Variants in MYLK observed in about 807,000 individuals in gnomAD.
MYLK encodes myosin light chain kinase, smooth muscle.
MYLK carries 106 observed loss-of-function variants against 203.4 expected under a neutral mutation model. The observed-to-expected ratio is 0.52, with a 90% confidence interval of 0.45 to 0.61. MYLK has a LOEUF of 0.61. MYLK is among the 20% of genes least tolerant of loss of function. MYLK has a pLI of 0.00. For synonymous variants in MYLK, 867 were observed against 959.5 expected (o/e 0.90, Z 1.78); for missense variants, 2,072 against 2,442.3 (o/e 0.85, Z 3.20).
At chr3:123,635,291 G>C (rs2058598146) in intron 29 of MYLK, among the ~76,000 whole-genome samples, 1 of 152,242 alleles carries the variant, frequency 6.6e-6, no homozygotes, top group East Asian at 1.9e-4. Flanking sequence ...TGGCTCCAGA[G>C]TTCTGCATAG....
chr3:123,622,360 A>G (rs570595817), intron 31 of MYLK: 1 of 152,332 alleles, frequency 6.6e-6, no homozygotes, highest in South Asian at 2.1e-4. Flanking sequence ...GGAGCAGAAG[A>G]TTCTAATCTT....
In MYLK at chr3:123,729,139, G is replaced by A. The variant is rs113007085; in HGVS notation, c.1517-3061C>T. Reference sequence around the variant, plus strand: ...AAGAAGGCCCTCCTGTCTCACCTCTGGCTGACTTGGAGCTTTGGTGCAAGC... The same window carrying A: ...AAGAAGGCCCTCCTGTCTCACCTCTAGCTGACTTGGAGCTTTGGTGCAAGC... On this transcript the variant is annotated intron_variant, in intron 11 of 33. Coordinates refer to ENST00000360304, the MANE Select transcript of MYLK (RefSeq NM_053025.4). Among the ~76,000 whole-genome samples the A allele has an allele frequency of 4.8e-3, 733 of 152,212 alleles. 8 individuals carry two copies. The highest frequency in any genetic ancestry group is 0.017 in the African/African-American group (703 of 41,534).
intron 27 of MYLK, among the ~76,000 whole-genome samples, chr3:123,646,513 ATGTG>A (rs146598767): frequency 2.0e-5 from 3 of 147,816 alleles, no homozygotes; most frequent in Non-Finnish European, 2.9e-5. Context: ...GCTTGACTGT[ATGTG>A]TGTGTGTGTG....
chr3:123,879,565 A>G (rs1234819556), intron 1 of MYLK, among the ~76,000 whole-genome samples: 14 of 149,430 alleles, frequency 9.4e-5, no homozygotes, highest in Non-Finnish European at 1.5e-5. Flanking sequence ...CTAATTACCT[A>G]TGTGTTAGCT....
intron 4 of MYLK, among the ~76,000 whole-genome samples, chr3:123,758,339 C>T (rs1015819772): frequency 6.6e-6 from 1 of 152,204 alleles, no homozygotes; most frequent in Non-Finnish European, 1.5e-5. Flanking sequence ...CTAAAAACAG[C>T]AATTAGTGAG....
chr3:123,748,931 T>C (rs2063105532), intron 5 of MYLK, among the ~76,000 whole-genome samples: 1 of 152,012 alleles, frequency 6.6e-6, no homozygotes. Context: ...TAGCCGGGCG[T>C]GATGGCACAC....
At chr3:123,790,265 A>G (rs1344359551) in intron 4 of MYLK, among the ~76,000 whole-genome samples, 1 of 152,192 alleles carries the variant, frequency 6.6e-6, no homozygotes, top group African/African-American at 2.4e-5. Flanking sequence ...TTTAATCAGA[A>G]AAGCAAGGGC....
chr3:123,789,857 A>G (rs2064704320), intron 4 of MYLK, among the ~76,000 whole-genome samples: 1 of 152,164 alleles, frequency 6.6e-6, no homozygotes, highest in African/African-American at 2.4e-5. Context: ...GAATGATTTC[A>G]CTGCAGGACC....
In MYLK at chr3:123,649,274, G is replaced by A. The variant is rs569498613; in HGVS notation, c.4289-80C>T. On this transcript the variant is annotated intron_variant, in intron 24 of 33. Coordinates refer to ENST00000360304, the MANE Select transcript of MYLK (RefSeq NM_053025.4). ...CCACTGAGAGCAAGATGTGCTGGGGGCCCTGCCAGGCCTCAGCCTCCCCAG... is the reference window on the plus strand; with the variant it reads ...CCACTGAGAGCAAGATGTGCTGGGGACCCTGCCAGGCCTCAGCCTCCCCAG... The A allele has an allele frequency of 8.0e-5, 126 of 1,574,884 alleles. No homozygotes were observed. The East Asian group carries it at 1.5e-3, about 19-fold the overall frequency.
intron 24 of MYLK, among the ~76,000 whole-genome samples, chr3:123,656,336 A>G (rs986143986): frequency 6.6e-6 from 1 of 152,118 alleles, no homozygotes; most frequent in African/African-American, 2.4e-5. Flanking sequence ...ACCAGCTCTA[A>G]TCGTCTCGAT....
At chr3:123,678,006 T>G (rs2060134579) in intron 20 of MYLK, among the ~76,000 whole-genome samples, 2 of 148,600 alleles carry the variant, frequency 1.3e-5, no homozygotes, top group Non-Finnish European at 3.0e-5. Flanking sequence ...GGCACCACAG[T>G]TCCACATCTT....
chr3:123,817,517 C>T lies in MYLK; in HGVS notation c.-4+14031G>A, dbSNP rs115538611. On this transcript the variant is annotated intron_variant, in intron 3 of 33. Transcript: ENST00000360304. Reference sequence around the variant, plus strand: ...TACACCAGGGGAGTTGTCAGGGGGCCGTAGCAAGGTCATCACAGAGCAGCA... The same window carrying T: ...TACACCAGGGGAGTTGTCAGGGGGCTGTAGCAAGGTCATCACAGAGCAGCA... Among the ~76,000 whole-genome samples, 1,227 of 152,212 alleles carry T rather than the reference C, an allele frequency of 8.1e-3. 14 individuals carry two copies. Among genetic ancestry groups the T allele is most frequent in the African/African-American group, 0.028 (1,143 of 41,510 alleles).
Position 123,707,974 on chromosome 3 carries a change from T to C in MYLK, c.2170A>G (p.Ile724Val). ...GCTGTCACTGAGCGAGGCTTACTGATGAACCAGGGCTGGGTGCCATCGTGA... is the reference window on the plus strand; with the variant it reads ...GCTGTCACTGAGCGAGGCTTACTGACGAACCAGGGCTGGGTGCCATCGTGA... Reference protein sequence around the residue: ...EPHDGTQPWFISKPRSVTASL... With the variant: ...EPHDGTQPWFVSKPRSVTASL... The change falls in exon 16 of 34, where the codon ATC becomes GTC. Residue 724 changes from isoleucine to valine, a missense_variant. Transcript: ENST00000360304. 1 of 1,614,112 alleles carries C rather than the reference T, an allele frequency of 6.2e-7. No homozygotes were observed. Among genetic ancestry groups the C allele is most frequent in the Non-Finnish European group, 8.5e-7 (1 of 1,180,030 alleles).
chr3:123,789,224 C>T (rs1443355098), intron 4 of MYLK, among the ~76,000 whole-genome samples: 2 of 152,116 alleles, frequency 1.3e-5, no homozygotes, highest in Admixed American at 1.3e-4. Flanking sequence ...CTTCTCGCCC[C>T]ACCCTACTTA....
intron 2 of MYLK, among the ~76,000 whole-genome samples, chr3:123,845,082 A>G (rs142282145): frequency 7.6e-4 from 116 of 152,272 alleles, no homozygotes; most frequent in South Asian, 1.7e-3. Context: ...GTAAGAGACA[A>G]TGAGGTGACA....
At chr3:123,812,594 A>G (rs148800506) in intron 3 of MYLK, among the ~76,000 whole-genome samples, 1 of 152,344 alleles carries the variant, frequency 6.6e-6, no homozygotes, top group African/African-American at 2.4e-5. Flanking sequence ...AGTCCAGGAA[A>G]AGCCAGAGTT....
At position 123,629,519 on chromosome 3, in the gene MYLK, T is replaced by C; in HGVS notation, c.5069A>G (p.Asp1690Gly). Reference sequence around the variant, plus strand: ...ATTGCTGATGAAATCCTTGGCATCGTCGGAGATCTCATCGAATGCCTCGTC... The same window carrying C: ...ATTGCTGATGAAATCCTTGGCATCGCCGGAGATCTCATCGAATGCCTCGTC... ...FDDEAFDEIS[D>G]DAKDFISNLL... Residue 1690 changes from aspartate to glycine, a missense_variant, in exon 30 of 34, where the codon GAC becomes GGC. By Grantham distance (94) the Asp-to-Gly change is moderately conservative. Coordinates refer to ENST00000360304, the MANE Select transcript of MYLK (RefSeq NM_053025.4). This position sits in a 1 kb window ranked among gnomAD's most constrained non-coding sequence, Gnocchi z 4.4. 1 of 1,614,174 alleles carries C rather than the reference T, an allele frequency of 6.2e-7. No homozygotes were observed. Among genetic ancestry groups the C allele is most frequent in the South Asian group, 1.1e-5 (1 of 91,078 alleles).
At chr3:123,653,987 TGTGTGTG>T (rs1553783584) in intron 24 of MYLK, among the ~76,000 whole-genome samples, 504 of 6,440 alleles carry the variant, frequency 0.078, 2 homozygotes, top group African/African-American at 0.13. Flanking sequence ...AGAGGGATGT[TGTGTGTG>T]TGTGTGTGTG....
At chr3:123,842,068 A>T (rs1055893070) in intron 2 of MYLK, among the ~76,000 whole-genome samples, 11 of 152,148 alleles carry the variant, frequency 7.2e-5, no homozygotes, top group Admixed American at 7.2e-4. Flanking sequence ...ATTAAAAGAC[A>T]GATAAAATAT....
Sources: gnomAD v4.1 joint callset for allele counts (sites outside exome capture counted in the v4.1 genomes callset) on GRCh38, gnomAD v4.1.1 for gene constraint, Gnocchi (gnomAD v3.1) non-coding constraint, MANE v1.5 for transcripts, NCBI Gene and HGNC (gene_info 2026-07-23, HGNC 2026-07-21) for gene names.